Variants in NMBR observed in about 807,000 individuals in gnomAD.
NMBR encodes the protein neuromedin B receptor.
In NMBR, 16 loss-of-function variants were observed where a neutral mutation model predicts 20.5. That is an observed-to-expected ratio of 0.78 (90% CI 0.53 to 1.19). The LOEUF (loss-of-function observed/expected upper bound fraction) is 1.19, where lower values mean the gene tolerates loss of function less well. Among genes scored for constraint, NMBR ranks in the 50% most tolerant of loss-of-function variants. The probability of loss-of-function intolerance (pLI) is 0.00; values close to 1 mark genes in which losing one functional copy is unlikely to be tolerated. For missense variants in NMBR, 582 were observed against 499.1 expected (o/e 1.17, Z -1.58); for synonymous variants, 212 against 196.6 (o/e 1.08, Z -0.65).
At chr6:142,105,291 C>T (rs6928689) in intron 1 of NMBR, among the ~76,000 whole-genome samples, 16,126 of 152,086 alleles carry the variant, frequency 0.11, 1,108 homozygotes, top group African/African-American at 0.2. Context: ...TGGATGTATA[C>T]GTGCAGGTCA....
rs751226886 is a variant in NMBR at position 142,078,921 on chromosome 6, C to T, written c.423-18G>A. On this transcript the variant is annotated intron_variant, in intron 2 of 3. Transcript: ENST00000258042. The stretch of plus-strand genomic sequence containing the variant: ...CTCTGTACCTGGGAAAATGATACAT[C>T]TCAAGTTATTCCAGAAAGAAAGGAA... The T allele has an allele frequency of 5.6e-6, 8 of 1,440,992 alleles. No individual in the cohort carries two copies. In the South Asian group the frequency reaches 1.2e-4, roughly 21 times the overall value. 89.3% of individuals were successfully genotyped at this position (1,440,992 alleles called of 1,614,324 possible).
chr6:142,133,851 T>C lies in NMBR; in HGVS notation c.-664+13193A>G, dbSNP rs76793194. The C allele has an allele frequency of 4.5e-3, 3,041 of 678,076 alleles. 69 individuals carry two copies. In the African/African-American group the frequency reaches 0.048, roughly 11 times the overall value. The allele number at this position is 678,076 out of a possible 1,614,324, so 42.0% of individuals were successfully genotyped here. Reference sequence around the variant, plus strand: ...TTTTTTCTCCTAAAACCATAACAGGTTAAACCTCCAACTGTGATTGGTCAA... The same window carrying C: ...TTTTTTCTCCTAAAACCATAACAGGCTAAACCTCCAACTGTGATTGGTCAA... On this transcript the variant is annotated intron_variant, in intron 1 of 3. Coordinates refer to ENST00000258042, the MANE Select transcript of NMBR (RefSeq NM_002511.4).
intron 1 of NMBR, chr6:142,135,053 T>C (rs1778227426): frequency 2.3e-6 from 1 of 428,884 alleles, no homozygotes; most frequent in East Asian, 3.5e-5. Flanking sequence ...TAAAATATAG[T>C]GCCTGGTTGT....
chr6:142,096,646 C>G (rs1404056945), intron 1 of NMBR, among the ~76,000 whole-genome samples: 1 of 152,116 alleles, frequency 6.6e-6, no homozygotes, highest in Non-Finnish European at 1.5e-5. Context: ...AATGTATATT[C>G]TGTTGATTTG....
At chr6:142,123,360 G>T (rs1431299723) in intron 1 of NMBR, among the ~76,000 whole-genome samples, 3 of 151,926 alleles carry the variant, frequency 2.0e-5, no homozygotes, top group Non-Finnish European at 4.4e-5. Flanking sequence ...TTCTTCAGAT[G>T]CAATCTACTC....
rs531514301 is a variant in NMBR at position 142,127,345 on chromosome 6, G to T, written c.-664+19699C>A. Reference sequence around the variant, plus strand: ...GATCCCTTAATTTCCGTTTGTCTGTGTGTCTGTTTTTATGCCAATACTATA... The same window carrying T: ...GATCCCTTAATTTCCGTTTGTCTGTTTGTCTGTTTTTATGCCAATACTATA... On this transcript the variant is annotated intron_variant, in intron 1 of 3. Coordinates refer to ENST00000258042, the MANE Select transcript of NMBR (RefSeq NM_002511.4). Among the ~76,000 whole-genome samples the T allele has an allele frequency of 2.7e-3, 405 of 152,008 alleles. 1 individual carries two copies. The highest frequency in any genetic ancestry group is 4.5e-3 in the Non-Finnish European group (308 of 67,902).
chr6:142,118,348 T>C (rs932818669), intron 1 of NMBR, among the ~76,000 whole-genome samples: 1 of 152,032 alleles, frequency 6.6e-6, no homozygotes, highest in Non-Finnish European at 1.5e-5. Context: ...TCACATTTGC[T>C]AATGACAGTT....
chr6:142,081,364 T>A (rs2114558265), intron 2 of NMBR, among the ~76,000 whole-genome samples: 1 of 152,214 alleles, frequency 6.6e-6, no homozygotes, highest in African/African-American at 2.4e-5. Context: ...AAACAAAAAG[T>A]CTCTCATTTT....
At chr6:142,105,579 T>C (rs1010404869) in intron 1 of NMBR, among the ~76,000 whole-genome samples, 3 of 152,216 alleles carry the variant, frequency 2.0e-5, no homozygotes, top group African/African-American at 7.2e-5. Context: ...AACTTCAAAC[T>C]AGACAAAATT....
At chr6:142,080,764 G>A (rs1777077631) in intron 2 of NMBR, among the ~76,000 whole-genome samples, 1 of 152,160 alleles carries the variant, frequency 6.6e-6, no homozygotes, top group South Asian at 2.1e-4. Context: ...AAAGTTGACT[G>A]TAATTTTTTT....
At chr6:142,133,107 A>G in intron 1 of NMBR, 1 of 628,746 alleles carries the variant, frequency 1.6e-6, no homozygotes, top group Non-Finnish European at 2.9e-6. Context: ...CAAACTGGCA[A>G]TGTGGGTCAA....
intron 1 of NMBR, among the ~76,000 whole-genome samples, chr6:142,103,665 T>C (rs955587263): frequency 6.6e-6 from 1 of 152,178 alleles, no homozygotes; most frequent in African/African-American, 2.4e-5. Context: ...TTCTCCAATT[T>C]ATATGCATAG....
chr6:142,084,138 A>G (rs1320732415), intron 2 of NMBR, among the ~76,000 whole-genome samples: 1 of 152,214 alleles, frequency 6.6e-6, no homozygotes, highest in Non-Finnish European at 1.5e-5. Flanking sequence ...ACCACTGAAC[A>G]AAGACTGATG....
At chr6:142,134,833 A>T in intron 1 of NMBR, 1 of 666,788 alleles carries the variant, frequency 1.5e-6, no homozygotes, top group South Asian at 1.7e-5. Context: ...CATTGCAATA[A>T]ATACATTTAC....
At chr6:142,146,644 A>G (rs1469892716) in intron 1 of NMBR, among the ~76,000 whole-genome samples, 3 of 152,212 alleles carry the variant, frequency 2.0e-5, no homozygotes, top group Non-Finnish European at 4.4e-5. Flanking sequence ...TTATTCATTC[A>G]CTAAAATACG....
chr6:142,133,808 G>A (rs569902754), intron 1 of NMBR: 113 of 597,426 alleles, frequency 1.9e-4, no homozygotes, highest in Admixed American at 1.0e-3. Context: ...CTCCTTTAAT[G>A]TTTGTGTTTA....
chr6:142,108,993 C>T (rs1435643222), intron 1 of NMBR, among the ~76,000 whole-genome samples: 1 of 152,176 alleles, frequency 6.6e-6, no homozygotes, highest in East Asian at 1.9e-4. Context: ...TTGACCAAAA[C>T]AAAGGGGCTA....
intron 3 of NMBR, among the ~76,000 whole-genome samples, 197 bp from the exon 4 acceptor site, chr6:142,076,246 C>A (rs190644243): frequency 3.8e-4 from 58 of 152,226 alleles, no homozygotes; most frequent in Admixed American, 1.2e-3. Context: ...ACATTATTTG[C>A]ATTAATAAAT....
chr6:142,095,441 A>C (rs1777431221), intron 1 of NMBR, among the ~76,000 whole-genome samples: 1 of 152,076 alleles, frequency 6.6e-6, no homozygotes, highest in South Asian at 2.1e-4. Context: ...TTCTGTTTAT[A>C]TACTGGATTA....
Sources: gnomAD v4.1 joint callset for allele counts (sites outside exome capture counted in the v4.1 genomes callset) on GRCh38, gnomAD v4.1.1 for gene constraint, MANE v1.5 for transcripts, NCBI Gene and HGNC (gene_info 2026-07-23, HGNC 2026-07-21) for gene names.